HECTD4: variants seen among roughly 807,000 people sequenced by gnomAD.
HECTD4 encodes probable E3 ubiquitin-protein ligase HECTD4.
A neutral mutation model predicts 471.5 loss-of-function variants in HECTD4; 114 were observed. That is an observed-to-expected ratio of 0.24 (90% CI 0.21 to 0.28). The LOEUF (loss-of-function observed/expected upper bound fraction) is 0.28, where lower values mean the gene tolerates loss of function less well. Ranked by LOEUF, HECTD4 falls within the 10% of genes least tolerant of loss-of-function variation. The probability of loss-of-function intolerance (pLI) is 1.00; values close to 1 mark genes in which losing one functional copy is unlikely to be tolerated. For synonymous variants in HECTD4, 2,012 were observed against 2,256.0 expected (o/e 0.89, Z 3.07); for missense variants, 3,866 against 5,651.5 (o/e 0.68, Z 10.13).
Position 112,212,559 on chromosome 12 carries a change from G to C in HECTD4, c.7557C>G (p.Cys2519Trp). 6.2e-7 allele frequency: 1 copy of C among 1,613,644 alleles called. No homozygotes were observed. The highest frequency in any genetic ancestry group is 1.1e-5 in the South Asian group (1 of 91,038). Residue 2519 changes from cysteine (C) to tryptophan (W), a missense_variant, in exon 49 of 76, where the codon TGC becomes TGG. Coordinates refer to ENST00000682272, the MANE Select transcript of HECTD4 (RefSeq NM_001388303.1). ...CAAGATATGGTGAGAGGCGCTGCCC[G>C]CAGTATGTGAAGTACACCCGGCCCT... ...PAKGRVYFTY[C>W]GQRLSPYLED...
At chr12:112,218,145 G>A (rs529007276) in intron 45 of HECTD4, among the ~76,000 whole-genome samples, 9 of 148,516 alleles carry the variant, frequency 6.1e-5, no homozygotes, top group Non-Finnish European at 3.0e-5. Flanking sequence ...GTGACAGAGT[G>A]AGACTCCATT....
intron 48 of HECTD4, among the ~76,000 whole-genome samples, chr12:112,214,243 C>T (rs965856852): frequency 2.6e-5 from 4 of 152,134 alleles, no homozygotes; most frequent in Non-Finnish European, 4.4e-5. Flanking sequence ...TCAATTGCAT[C>T]GGCACTCTTA....
rs753133689 is a variant in HECTD4, at chr12:112,243,702, A to C, written c.4709T>G (p.Ile1570Ser). ...SSFTLLQSLA[I>S]EDSRDKPTYS... Reference sequence around the variant, plus strand: ...GGTGGGCTTGTCCCTGCTGTCCTCAATGGCCAGCGACTGCAGGAGTGTAAA... The same window carrying C: ...GGTGGGCTTGTCCCTGCTGTCCTCACTGGCCAGCGACTGCAGGAGTGTAAA... The change falls in exon 31 of 76, where the codon ATT becomes AGT. Residue 1570 changes from isoleucine to serine, a missense_variant. By Grantham distance (142) the Ile-to-Ser change is moderately radical. Transcript: ENST00000682272. The surrounding 1 kb of genome is among the most constrained non-coding windows in gnomAD (Gnocchi z 6.6). The C allele has an allele frequency of 3.1e-6, 5 of 1,613,798 alleles. No individual in the cohort carries two copies. Among genetic ancestry groups the C allele is most frequent in the Non-Finnish European group, 4.2e-6 (5 of 1,179,812 alleles).
chr12:112,312,487 T>C (rs2035392317), intron 4 of HECTD4, among the ~76,000 whole-genome samples: 1 of 152,128 alleles, frequency 6.6e-6, no homozygotes, highest in African/African-American at 2.4e-5. Flanking sequence ...CCATTTTTGT[T>C]GAGATAATGT....
rs781124768 is a variant in HECTD4, at chr12:112,233,018, G to C, written c.5983C>G (p.Arg1995Gly). The change falls in exon 38 of 76, where the codon CGA becomes GGA. Residue 1995 changes from arginine to glycine, a missense_variant. Transcript: ENST00000682272. ...ANMEKVVKMDRDMTKGGCCEV... is the reference protein window; with the variant it reads ...ANMEKVVKMDGDMTKGGCCEV... ...CATGAGGTTACCTTGGTCATGTCTC[G>C]ATCCATCTTCACAACTTTCTCCATG... 6.2e-7 allele frequency: 1 copy of C among 1,611,250 alleles called. No homozygotes were observed.
intron 16 of HECTD4, 95 bp from the exon 17 acceptor site, chr12:112,264,307 CA>C (rs1566091952): frequency 8.4e-7 from 1 of 1,195,440 alleles, no homozygotes. Flanking sequence ...ACAAAGAAAA[CA>C]AAAAGAGAAA....
At chr12:112,165,244 C>T (rs1486221362) in intron 72 of HECTD4, among the ~76,000 whole-genome samples, 1 of 147,518 alleles carries the variant, frequency 6.8e-6, no homozygotes, top group Non-Finnish European at 1.5e-5. Context: ...TTAAAGCAAT[C>T]TGGATCAGAG....
At chr12:112,318,268 AAAAAGAGAAAAG>A (rs1252778193) in intron 2 of HECTD4, among the ~76,000 whole-genome samples, 16 of 152,268 alleles carry the variant, frequency 1.1e-4, no homozygotes, top group South Asian at 2.1e-4. Flanking sequence ...CTGTCTCAAA[AAAAAGAGAAAAG>A]AAAAGAGAAA....
At chr12:112,172,601 T>C (rs1273663800) in intron 67 of HECTD4, 70 bp downstream of exon 67, 1 of 1,464,952 alleles carries the variant, frequency 6.8e-7, no homozygotes, top group Admixed American at 1.7e-5. Context: ...CTAGCCCTTG[T>C]AAATGCCCCT....
rs372312911 is a variant in HECTD4 at position 112,183,258 on chromosome 12, G to A, written c.10788C>T (p.Ser3596=). The A allele has an allele frequency of 6.2e-7, 1 of 1,613,052 alleles. No individual in the cohort carries two copies. The highest frequency in any genetic ancestry group is 1.3e-5 in the African/African-American group (1 of 74,874). Residue 3596 remains serine (S), a synonymous_variant, in exon 62 of 76, where the codon TCC becomes TCT. Transcript: ENST00000682272. ...IKGFAVVEIR[S]RAKIEKIRAS... ...CTCGAATTTTCTCAATTTTGGCTCG[G>A]GATCTTATCTGTGTGAACAGAGAAC...
At chr12:112,261,498 A>T in intron 17 of HECTD4, 69 bp from the exon 18 acceptor site, 6 of 1,374,720 alleles carry the variant, frequency 4.4e-6, no homozygotes, top group South Asian at 1.3e-5. Flanking sequence ...TGACAACATG[A>T]AATGATGTAT....
rs76730668 is a variant in HECTD4 at position 112,302,614 on chromosome 12, A to G, written c.1335+3450T>C. 36,747 of 643,490 alleles carry G rather than the reference A, an allele frequency of 0.057. 7,922 individuals are homozygous for G. The East Asian group carries it at 0.64, about 11-fold the overall frequency. 39.9% of individuals were successfully genotyped at this position (643,490 alleles called of 1,614,324 possible). On this transcript the variant is annotated intron_variant, in intron 7 of 75. Coordinates refer to ENST00000682272, the MANE Select transcript of HECTD4 (RefSeq NM_001388303.1). Reference sequence around the variant, plus strand: ...CACTTTCTTGGCCTCCTGCTTCTTCACAACAGCAGGGGCCGGGGCCACCTT... The same window carrying G: ...CACTTTCTTGGCCTCCTGCTTCTTCGCAACAGCAGGGGCCGGGGCCACCTT...
chr12:112,321,294 A>G (rs2035579673), intron 1 of HECTD4, among the ~76,000 whole-genome samples: 1 of 152,216 alleles, frequency 6.6e-6, no homozygotes, highest in African/African-American at 2.4e-5. Flanking sequence ...AAACCATTAT[A>G]TCTTCTATCA....
In HECTD4 at chr12:112,184,537, G is replaced by A. The variant is rs2031790369; in HGVS notation, c.10429C>T (p.Leu3477=). 2 of 1,610,904 alleles carry A rather than the reference G, an allele frequency of 1.2e-6. No homozygotes were observed. The highest frequency in any genetic ancestry group is 2.7e-5 in the African/African-American group (2 of 74,930). ...GCGCTGATGCTCATGGCGGGGGTCA[G>A]GCTGCTGGACGTGCTGACCTCCATG... ...DSMEVSTSSS[L]TPAMSISASA... Residue 3477 remains leucine (L), a synonymous_variant, in exon 61 of 76, where the codon CTG becomes TTG. Coordinates refer to ENST00000682272, the MANE Select transcript of HECTD4 (RefSeq NM_001388303.1). This position sits in a 1 kb window ranked among gnomAD's most constrained non-coding sequence, Gnocchi z 9.1.
chr12:112,335,571 CCAGCTACT>C (rs1281861302), intron 1 of HECTD4, among the ~76,000 whole-genome samples: 5 of 152,030 alleles, frequency 3.3e-5, no homozygotes, highest in Non-Finnish European at 5.9e-5. Flanking sequence ...GCCTGTAGTC[CCAGCTACT>C]CGAGAGGCTG....
At chr12:112,189,744 C>T (rs1202691746) in intron 60 of HECTD4, among the ~76,000 whole-genome samples, 5 of 151,758 alleles carry the variant, frequency 3.3e-5, no homozygotes, top group Admixed American at 6.6e-5. Flanking sequence ...TGAAGGCATC[C>T]GAGTGTGCAG....
rs762690524 is a variant in HECTD4 at position 112,164,250 on chromosome 12, G to C, written c.12560C>G (p.Ala4187Gly). 1.2e-6 allele frequency: 2 copies of C among 1,613,496 alleles called. No individual in the cohort carries two copies. The highest frequency in any genetic ancestry group is 8.5e-7 in the Non-Finnish European group (1 of 1,179,694). Residue 4187 changes from alanine (A) to glycine (G), a missense_variant, in exon 73 of 76, where the codon GCC (alanine) becomes GGC (glycine). Physicochemically the swap from Ala to Gly is moderately conservative, Grantham distance 60. Coordinates refer to ENST00000682272, the MANE Select transcript of HECTD4 (RefSeq NM_001388303.1). ...CTGGGAGGCGATCTCAGCGCACAGG[G>C]CCTCCAGCTCGGTCTCATCATTGAT... ...ESINDETELE[A>G]LCAEIASQHL...
chr12:112,213,205 G>A lies in HECTD4; in HGVS notation c.7466-555C>T, dbSNP rs192014429. On this transcript the variant is annotated intron_variant, in intron 48 of 75. Transcript: ENST00000682272. The surrounding 1 kb of genome is among the most constrained non-coding windows in gnomAD (Gnocchi z 4.0). ...TAGTGTCTGTGTTAAATTAGTTACC[G>A]CAATTACATATTAAATTTAGCCTTT... 6.6e-6 allele frequency among the ~76,000 whole-genome samples: 1 copy of A among 152,060 alleles called. No homozygotes were observed. The highest frequency in any genetic ancestry group is 1.5e-5 in the Non-Finnish European group (1 of 67,998).
intron 1 of HECTD4, among the ~76,000 whole-genome samples, chr12:112,340,811 C>CTA (rs2036041522): frequency 6.6e-6 from 1 of 152,134 alleles, no homozygotes. Flanking sequence ...CGATTCTATT[C>CTA]ATGTGCCGAA....
Sources: allele counts gnomAD v4.1 joint callset (sites outside exome capture counted in the v4.1 genomes callset), GRCh38; gene constraint gnomAD v4.1.1; non-coding constraint Gnocchi (gnomAD v3.1); transcripts MANE v1.5; gene names NCBI Gene and HGNC (gene_info 2026-07-23, HGNC 2026-07-21).